SEC14L5: variants seen among roughly 807,000 people sequenced by gnomAD.
SEC14L5 encodes SEC14-like protein 5.
SEC14L5 carries 96 observed loss-of-function variants against 84.6 expected under a neutral mutation model. The ratio of observed to expected loss-of-function variants is 1.13; its 90% CI spans 0.96 to 1.34. The LOEUF (loss-of-function observed/expected upper bound fraction) is 1.34. Ranked by LOEUF, SEC14L5 falls within the 40% of genes most tolerant of loss-of-function variation. The pLI, the probability that SEC14L5 is intolerant of heterozygous loss-of-function variation, is 0.00. For missense variants in SEC14L5, 1,224 were observed against 942.5 expected (o/e 1.30, Z -3.91); for synonymous variants, 546 against 383.4 (o/e 1.42, Z -4.95).
intron 7 of SEC14L5, 149 bp from the exon 8 acceptor site, chr16:4,996,706 G>T: frequency 4.5e-6 from 3 of 662,478 alleles, no homozygotes; most frequent in Non-Finnish European, 5.2e-6. Flanking sequence ...TGAGTAGCTG[G>T]GGTTACAGGC....
At chr16:4,985,973 C>G (rs955561026) in intron 2 of SEC14L5, among the ~76,000 whole-genome samples, 7 of 151,616 alleles carry the variant, frequency 4.6e-5, no homozygotes, top group Non-Finnish European at 1.0e-4. Flanking sequence ...GGGTATATAC[C>G]TAGGAGTGGA....
rs1955890373 is a variant in SEC14L5, at chr16:5,017,638, G to A, written c.*2668G>A. 1 of 152,250 alleles carries A rather than the reference G, an allele frequency of 6.6e-6. No individual in the cohort carries two copies. The highest frequency in any genetic ancestry group is 2.4e-5 in the African/African-American group (1 of 41,448). 9.4% of individuals were successfully genotyped at this position (152,250 alleles called of 1,614,324 possible). On this transcript the variant is annotated 3_prime_UTR_variant, in exon 16 of 16. Transcript: ENST00000251170. ...GGCAAGGAACTAGGGTCCCGTGATT[G>A]ACATTCCCTGCAGAAGCCGCAGCAG...
At chr16:4,972,322 T>C (rs1364654220) in intron 2 of SEC14L5, among the ~76,000 whole-genome samples, 2 of 152,174 alleles carry the variant, frequency 1.3e-5, no homozygotes. Flanking sequence ...AGTTTTTTAT[T>C]GTGATGAAAT....
intron 2 of SEC14L5, among the ~76,000 whole-genome samples, chr16:4,974,250 C>G (rs1329868860): frequency 1.3e-5 from 2 of 152,150 alleles, no homozygotes; most frequent in African/African-American, 2.4e-5. Context: ...CAGGGTCTCT[C>G]TGTTACCCAG....
intron 15 of SEC14L5, 95 bp downstream of exon 15, chr16:5,011,368 C>T (rs1567130791): frequency 2.3e-6 from 3 of 1,320,826 alleles, no homozygotes; most frequent in Admixed American, 2.2e-5. Flanking sequence ...GCTGGGTCAG[C>T]TTCTCCCGGG....
In SEC14L5 at chr16:4,988,190, C is replaced by G. The variant is rs1486407912; in HGVS notation, c.255C>G (p.Ile85Met). 3 of 1,610,228 alleles carry G rather than the reference C, an allele frequency of 1.9e-6. No individual in the cohort carries two copies. Among genetic ancestry groups the G allele is most frequent in the Non-Finnish European group, 2.5e-6 (3 of 1,177,690 alleles). ...ACGTGGTCTTCGTGCAGACAAACAT[C>G]TTGAACTGGAAGGAGAGGACGCTCC... The part of the protein sequence containing the change: ...VEHVVFVQTN[I>M]LNWKERTLLI... The change falls in exon 4 of 16, where the codon ATC becomes ATG. Residue 85 changes from isoleucine to methionine, a missense_variant. Ile to Met is a conservative substitution (Grantham distance 10, BLOSUM62 1). Coordinates refer to ENST00000251170, the MANE Select transcript of SEC14L5 (RefSeq NM_014692.2).
chr16:4,993,383 A>T (rs901999995), intron 6 of SEC14L5, among the ~76,000 whole-genome samples: 5 of 152,170 alleles, frequency 3.3e-5, no homozygotes, highest in African/African-American at 1.2e-4. Context: ...CTGGGATTAC[A>T]GGCATGTGCC....
chr16:4,981,255 G>GTTTTTTTTTTTTTT (rs58882220), intron 2 of SEC14L5, among the ~76,000 whole-genome samples: 1 of 92,934 alleles, frequency 1.1e-5, no homozygotes, highest in African/African-American at 4.0e-5. Context: ...TAGCTAATTG[G>GTTTTTTTTTTTTTT]TTTTTTTTTT....
chr16:5,013,386 TTTTA>T (rs149015615), intron 15 of SEC14L5, among the ~76,000 whole-genome samples: 32,718 of 151,146 alleles, frequency 0.22, 4,272 homozygotes, highest in Admixed American at 0.33. Context: ...CAGGGGGTCT[TTTTA>T]TTTATTTATT....
At chr16:4,980,982 G>A (rs563919977) in intron 2 of SEC14L5, among the ~76,000 whole-genome samples, 4 of 152,108 alleles carry the variant, frequency 2.6e-5, no homozygotes, top group Non-Finnish European at 5.9e-5. Flanking sequence ...TGTTCTAAAC[G>A]CAGCAAAGCT....
rs74005478 is a variant in SEC14L5 at position 5,006,147 on chromosome 16, G to C, written c.1437+99G>C. 1.3e-3 allele frequency: 1,657 copies of C among 1,273,308 alleles called. 13 individuals carry two copies. In the African/African-American group the frequency reaches 0.021, roughly 16 times the overall value. 78.9% of individuals were successfully genotyped at this position (1,273,308 alleles called of 1,614,324 possible). On this transcript the variant is annotated intron_variant, in intron 12 of 15. Coordinates refer to ENST00000251170, the MANE Select transcript of SEC14L5 (RefSeq NM_014692.2). ...GGAGTGGGGCTGGGAGGTGGAGGGGGGCTGGGTGCGGCATGTGCACTCTGC... is the reference window on the plus strand; with the variant it reads ...GGAGTGGGGCTGGGAGGTGGAGGGGCGCTGGGTGCGGCATGTGCACTCTGC...
At chr16:4,993,447 G>A (rs957140152) in intron 6 of SEC14L5, among the ~76,000 whole-genome samples, 38 of 152,218 alleles carry the variant, frequency 2.5e-4, no homozygotes, top group African/African-American at 8.4e-4. Context: ...TCACCATGTT[G>A]ACCAGGCTGG....
At chr16:4,968,337 G>T (rs187119702) in intron 2 of SEC14L5, among the ~76,000 whole-genome samples, 2 of 152,058 alleles carry the variant, frequency 1.3e-5, no homozygotes, top group Admixed American at 1.3e-4. Context: ...GCACCACCAC[G>T]CCAGGCTAAT....
In SEC14L5 at chr16:4,996,272, G is replaced by C. The variant is rs1955607221; in HGVS notation, c.668-76G>C. On this transcript the variant is annotated intron_variant, in intron 6 of 15. Coordinates refer to ENST00000251170, the MANE Select transcript of SEC14L5 (RefSeq NM_014692.2). ...TTAGAGTCAGTGAGGCAGCCAGTAA[G>C]GAATGGCACACAGACCACATGGTAA... The C allele has an allele frequency of 6.8e-6, 6 of 881,406 alleles. No individual in the cohort carries two copies. In the South Asian group the frequency reaches 8.1e-5, roughly 12 times the overall value. The allele number at this position is 881,406 out of a possible 1,614,324, so 54.6% of individuals were successfully genotyped here.
At chr16:4,981,642 CTGAGCAAA>C (rs1433116499) in intron 2 of SEC14L5, among the ~76,000 whole-genome samples, 4 of 152,168 alleles carry the variant, frequency 2.6e-5, no homozygotes, top group Non-Finnish European at 4.4e-5. Context: ...AGCCCAGCTG[CTGAGCAAA>C]CGGTTCTTGG....
rs114811266 is a variant in SEC14L5 at position 4,998,965 on chromosome 16, C to T, written c.971-1690C>T. On this transcript the variant is annotated intron_variant, in intron 8 of 15. Coordinates refer to ENST00000251170, the MANE Select transcript of SEC14L5 (RefSeq NM_014692.2). ...TCATGCTGAGACATATTCAGAGTGG[C>T]GAAGTATTGGAGTCGCCCATCACGC... 1.6e-3 allele frequency among the ~76,000 whole-genome samples: 246 copies of T among 152,196 alleles called. 3 individuals carry two copies. Among genetic ancestry groups the T allele is most frequent in the African/African-American group, 5.4e-3 (223 of 41,520 alleles).
intron 13 of SEC14L5, 25 bp downstream of exon 13, chr16:5,007,511 C>A (rs1323062192): frequency 2.5e-6 from 4 of 1,608,988 alleles, no homozygotes; most frequent in African/African-American, 2.7e-5. Context: ...CCGGGGAGGG[C>A]CCGCTGAGCT....
At chr16:4,985,066 G>T (rs1431739361) in intron 2 of SEC14L5, among the ~76,000 whole-genome samples, 2 of 152,040 alleles carry the variant, frequency 1.3e-5, no homozygotes, top group Non-Finnish European at 2.9e-5. Flanking sequence ...TTTAAAATTT[G>T]ATGATATCCA....
At chr16:4,983,165 G>A (rs867224178) in intron 2 of SEC14L5, among the ~76,000 whole-genome samples, 2 of 151,944 alleles carry the variant, frequency 1.3e-5, no homozygotes, top group East Asian at 3.9e-4. Flanking sequence ...ACCATGCCCA[G>A]CTAATTTTTG....
Sources: allele counts gnomAD v4.1 joint callset (sites outside exome capture counted in the v4.1 genomes callset), GRCh38; gene constraint gnomAD v4.1.1; transcripts MANE v1.5; gene names NCBI Gene and HGNC (gene_info 2026-07-23, HGNC 2026-07-21).